The following DDX60L variants were observed in gnomAD, a reference collection of about 807,000 sequenced individuals.
The protein encoded by DDX60L is probable ATP-dependent RNA helicase DDX60-like.
DDX60L carries 191 observed loss-of-function variants against 211.6 expected under a neutral mutation model. The observed-to-expected ratio is 0.90, with a 90% CI of 0.80 to 1.02. The LOEUF (loss-of-function observed/expected upper bound fraction) is 1.02, where lower values mean the gene tolerates loss of function less well. Among genes scored for constraint, DDX60L ranks in the 50% least tolerant of loss-of-function variants. The pLI is 0.00. For missense variants in DDX60L, 2,007 were observed against 1,984.1 expected, an observed-to-expected ratio of 1.01 and a Z score of -0.22; for synonymous variants, 706 against 694.1, an observed-to-expected ratio of 1.02 and a Z score of -0.27.
chr4:168,472,865 CA>C (rs35042786), intron 1 of DDX60L, 56 bp from the exon 2 acceptor site: 6 of 678,698 alleles, frequency 8.8e-6, no homozygotes, highest in African/African-American at 3.6e-5. Context: ...GAAATGGACC[CA>C]AAAAATATGG....
chr4:168,384,248 T>A (rs1743459621), intron 30 of DDX60L, among the ~76,000 whole-genome samples: 1 of 152,108 alleles, frequency 6.6e-6, no homozygotes, highest in Non-Finnish European at 1.5e-5. Flanking sequence ...AGAACCCTAA[T>A]ACAGTGGGTG....
At position 168,396,102 on chromosome 4, in the gene DDX60L, CCTT is replaced by C. The variant is rs760421312; in HGVS notation, c.3511_3513del (p.Lys1171del). On this transcript the variant is annotated inframe_deletion, in exon 27 of 38. Coordinates refer to ENST00000682922, the MANE Select transcript of DDX60L (RefSeq NM_001012967.3). ...ACTTTTTTTCTTTCCAGTTTTTCAG[CCTT>C]CTTTGGGTTTTTTTTAGTGCTACTA... is the stretch of plus-strand genomic sequence containing the variant. 311 of 1,536,296 alleles carry C rather than the reference CCTT, an allele frequency of 2.0e-4. No homozygotes were observed. Among genetic ancestry groups the C allele is most frequent in the Non-Finnish European group, 2.6e-4 (298 of 1,140,720 alleles).
rs1191140954 is a variant in DDX60L, at chr4:168,358,559, G to A, written c.4992-283C>T. ...TTTTTTTTTTTTGAGACAGAGTCTC[G>A]CTCTGTTGCCCAGGTTGGAGTGCAG... On this transcript the variant is annotated intron_variant, in intron 37 of 37. Coordinates refer to ENST00000682922, the MANE Select transcript of DDX60L (RefSeq NM_001012967.3). Among the ~76,000 whole-genome samples the A allele has an allele frequency of 1.2e-4, 14 of 120,448 alleles. 1 individual carries two copies. Among genetic ancestry groups the A allele is most frequent in the Middle Eastern group, 8.1e-3 (1 of 124 alleles). 79.0% of individuals were successfully genotyped at this position (120,448 alleles called of 152,430 possible).
chr4:168,371,250 T>C (rs1740961107), intron 36 of DDX60L, among the ~76,000 whole-genome samples: 2 of 151,050 alleles, frequency 1.3e-5, no homozygotes, highest in South Asian at 4.2e-4. Flanking sequence ...AATTAAAATA[T>C]CTTTTTGAGC....
intron 9 of DDX60L, among the ~76,000 whole-genome samples, chr4:168,442,439 G>A (rs377283043): frequency 6.6e-6 from 1 of 152,006 alleles, no homozygotes; most frequent in South Asian, 2.1e-4. Flanking sequence ...GGGCGGCAGC[G>A]AGGCTGGGGG....
chr4:168,373,571 G>A (rs1741400025), intron 35 of DDX60L, 95 bp downstream of exon 35: 3 of 1,242,188 alleles, frequency 2.4e-6, no homozygotes, highest in Non-Finnish European at 2.3e-6. Context: ...ATTTTTCAGT[G>A]TTTTGGGTTT....
chr4:168,421,481 C>A (rs1348037249), intron 17 of DDX60L, among the ~76,000 whole-genome samples: 2 of 152,076 alleles, frequency 1.3e-5, no homozygotes, highest in Admixed American at 1.3e-4. Flanking sequence ...ATGGTGAAAC[C>A]CTGTCTCTAC....
intron 10 of DDX60L, among the ~76,000 whole-genome samples, chr4:168,435,718 T>C (rs141116011): frequency 7.9e-5 from 12 of 152,312 alleles, no homozygotes; most frequent in East Asian, 7.7e-4. Flanking sequence ...CCCCATGTCA[T>C]AATTTAGCCC....
intron 37 of DDX60L, 124 bp from the exon 38 acceptor site, chr4:168,358,400 G>T: frequency 4.6e-6 from 3 of 653,502 alleles, no homozygotes; most frequent in Non-Finnish European, 7.4e-6. Flanking sequence ...TGGAGAAAAA[G>T]TACGCAGAAT....
intron 12 of DDX60L, 74 bp downstream of exon 12, chr4:168,432,381 C>G (rs1228213065): frequency 3.4e-6 from 2 of 593,828 alleles, no homozygotes; most frequent in Non-Finnish European, 5.3e-6. Context: ...AATGTAATAT[C>G]TTTTCACTGT....
At chr4:168,471,579 A>G (rs1054553641) in intron 4 of DDX60L, 168 bp downstream of exon 4, 1 of 489,844 alleles carries the variant, frequency 2.0e-6, no homozygotes, top group African/African-American at 2.0e-5. Context: ...AAAATAAAGA[A>G]TGGTTATCTC....
intron 36 of DDX60L, among the ~76,000 whole-genome samples, chr4:168,371,343 A>C (rs1740975486): frequency 6.7e-6 from 1 of 149,638 alleles, no homozygotes; most frequent in African/African-American, 2.5e-5. Flanking sequence ...TAGTAGCCCC[A>C]AAATCCCAAA....
At chr4:168,479,106 T>C (rs1760010179) in intron 1 of DDX60L, among the ~76,000 whole-genome samples, 1 of 148,934 alleles carries the variant, frequency 6.7e-6, no homozygotes. Flanking sequence ...GATGGACGGA[T>C]GGTTGGATGG....
chr4:168,476,549 T>A (rs1308172895), intron 1 of DDX60L, among the ~76,000 whole-genome samples: 2 of 151,862 alleles, frequency 1.3e-5, no homozygotes, highest in African/African-American at 2.4e-5. Flanking sequence ...GAGTCAGAGA[T>A]GAAGAAAGAG....
intron 34 of DDX60L, among the ~76,000 whole-genome samples, chr4:168,374,698 C>T (rs1283561746): frequency 1.3e-5 from 2 of 152,150 alleles, no homozygotes; most frequent in African/African-American, 4.8e-5. Flanking sequence ...TATTTTTAAT[C>T]AACTTAATTT....
In DDX60L at chr4:168,397,790, C is replaced by T. The variant is rs572974766; in HGVS notation, c.3492-1666G>A. ...AGTGGGAGAGGCAAGGCCAGGGCTG[C>T]GTGCTCCATGGAGCCAGCAGAAGCT... On this transcript the variant is annotated intron_variant, in intron 26 of 37. Transcript: ENST00000682922. Among the ~76,000 whole-genome samples, 164 of 152,326 alleles carry T rather than the reference C, an allele frequency of 1.1e-3. 1 individual carries two copies. The highest frequency in any genetic ancestry group is 3.5e-3 in the African/African-American group (145 of 41,578).
At chr4:168,396,601 G>GA (rs1156871267) in intron 26 of DDX60L, among the ~76,000 whole-genome samples, 2 of 152,038 alleles carry the variant, frequency 1.3e-5, no homozygotes, top group East Asian at 3.9e-4. Context: ...AGGCCTAAGA[G>GA]AAAAATTGAT....
In DDX60L at chr4:168,459,146, T is replaced by A. The variant is rs573008361; in HGVS notation, c.607-1138A>T. 2.6e-4 allele frequency among the ~76,000 whole-genome samples: 40 copies of A among 152,136 alleles called. No individual in the cohort carries two copies. The South Asian group carries it at 5.6e-3, about 21-fold the overall frequency. ...CTTCTTTTAGGGAAATACTTATAGA[T>A]AATGAATTAGAAAATAATTTTACAG... On this transcript the variant is annotated intron_variant, in intron 5 of 37. Coordinates refer to ENST00000682922, the MANE Select transcript of DDX60L (RefSeq NM_001012967.3).
intron 12 of DDX60L, among the ~76,000 whole-genome samples, chr4:168,431,579 C>A (rs1238626272): frequency 6.7e-6 from 1 of 150,356 alleles, no homozygotes; most frequent in Non-Finnish European, 1.5e-5. Context: ...GGAGGGATAG[C>A]ATTAAGAGAT....
Sources: allele counts gnomAD v4.1 joint callset (sites outside exome capture counted in the v4.1 genomes callset), GRCh38; gene constraint gnomAD v4.1.1; transcripts MANE v1.5; gene names NCBI Gene and HGNC (gene_info 2026-07-23, HGNC 2026-07-21).